AKAP6: variants seen among roughly 807,000 people sequenced by gnomAD.
The protein encoded by AKAP6 is A-kinase anchor protein 6.
Under a neutral mutation model 188.5 loss-of-function variants are expected in AKAP6, and 58 were observed. The observed-to-expected ratio is 0.31, with a 90% CI of 0.25 to 0.38. The LOEUF (loss-of-function observed/expected upper bound fraction) is 0.38. Ranked by LOEUF, AKAP6 falls within the 10% of genes least tolerant of loss-of-function variation. The probability of loss-of-function intolerance (pLI) is 1.00; values close to 1 mark genes in which losing one functional copy is unlikely to be tolerated. For synonymous variants in AKAP6, 989 were observed against 998.6 expected, an observed-to-expected ratio of 0.99 and a Z score of 0.18; for missense variants, 2,710 against 2,740.0, an observed-to-expected ratio of 0.99 and a Z score of 0.24.
At chr14:32,524,161 A>AC (rs923115345) in intron 2 of AKAP6, among the ~76,000 whole-genome samples, 5 of 152,098 alleles carry the variant, frequency 3.3e-5, no homozygotes, top group Admixed American at 2.0e-4. Flanking sequence ...CTGTTTCAAA[A>AC]AAAAAAATGG....
At position 32,577,096 on chromosome 14, in the gene AKAP6, TCCCC is replaced by T. The variant is rs1566584995; in HGVS notation, c.2347-23_2347-20del. 15 of 1,590,412 alleles carry T rather than the reference TCCCC, an allele frequency of 9.4e-6. No homozygotes were observed. In the Admixed American group the frequency reaches 1.5e-4, roughly 16 times the overall value. ...AACATGCCTTTCTTGCCCCTTTTTTTCCCCTTTTCTTTCCTTTCACAAGGGGTTT... is the reference window on the plus strand; with the variant it reads ...AACATGCCTTTCTTGCCCCTTTTTTTTTTTCTTTCCTTTCACAAGGGGTTT... On this transcript the variant is annotated intron_variant, in intron 4 of 13. Coordinates refer to ENST00000280979, the MANE Select transcript of AKAP6 (RefSeq NM_004274.5).
chr14:32,699,855 A>G (rs763672007), intron 9 of AKAP6, among the ~76,000 whole-genome samples: 13 of 152,220 alleles, frequency 8.5e-5, no homozygotes, highest in Non-Finnish European at 1.3e-4. Context: ...TAATTTGTCA[A>G]AAGTAACCAC....
intron 2 of AKAP6, among the ~76,000 whole-genome samples, chr14:32,531,441 C>A (rs1195713030): frequency 6.6e-6 from 1 of 152,144 alleles, no homozygotes; most frequent in Non-Finnish European, 1.5e-5. Context: ...AGTATGTGAT[C>A]CAAAATGAAT....
intron 2 of AKAP6, among the ~76,000 whole-genome samples, chr14:32,446,527 T>C (rs1413861627): frequency 6.6e-6 from 1 of 152,138 alleles, no homozygotes; most frequent in African/African-American, 2.4e-5. Flanking sequence ...TTATTTTTAC[T>C]ATCATAGATT....
At chr14:32,802,410 A>G (rs1437708856) in intron 12 of AKAP6, among the ~76,000 whole-genome samples, 1 of 152,236 alleles carries the variant, frequency 6.6e-6, no homozygotes, top group Non-Finnish European at 1.5e-5. Flanking sequence ...CAAAGTAATA[A>G]ATACAAAAGG....
intron 7 of AKAP6, among the ~76,000 whole-genome samples, chr14:32,665,913 G>T (rs1271978987): frequency 6.6e-6 from 1 of 152,140 alleles, no homozygotes; most frequent in Non-Finnish European, 1.5e-5. Context: ...ATGGGGATAG[G>T]TGGAGATGGA....
intron 2 of AKAP6, among the ~76,000 whole-genome samples, chr14:32,496,128 T>C (rs916587435): frequency 6.6e-6 from 1 of 152,232 alleles, no homozygotes; most frequent in African/African-American, 2.4e-5. Flanking sequence ...TTCAAACTTA[T>C]ACCTCATGTC....
chr14:32,376,845 C>A (rs775884773), intron 1 of AKAP6, among the ~76,000 whole-genome samples: 1 of 152,074 alleles, frequency 6.6e-6, no homozygotes, highest in Non-Finnish European at 1.5e-5. Flanking sequence ...TACAGGTGCC[C>A]ACCATCATGA....
intron 9 of AKAP6, among the ~76,000 whole-genome samples, 189 bp from the exon 10 acceptor site, chr14:32,732,257 CTGTGTGTG>C (rs3830858): frequency 6.7e-6 from 1 of 150,018 alleles, no homozygotes; most frequent in African/African-American, 2.4e-5. Flanking sequence ...AATGTAATAA[CTGTGTGTG>C]TGTGTGTGTG....
At position 32,592,200 on chromosome 14, in the gene AKAP6, T is replaced by C. The variant is rs549509210; in HGVS notation, c.2470-7210T>C. ...TTTCCCTGAACATTTGCTAGTTATGTGCTGTGTGCCAGGCACTGTCCTAGA... is the reference window on the plus strand; with the variant it reads ...TTTCCCTGAACATTTGCTAGTTATGCGCTGTGTGCCAGGCACTGTCCTAGA... On this transcript the variant is annotated intron_variant, in intron 5 of 13. Transcript: ENST00000280979. Among the ~76,000 whole-genome samples the C allele has an allele frequency of 2.6e-4, 39 of 152,316 alleles. No individual in the cohort carries two copies. The South Asian group carries it at 7.9e-3, about 31-fold the overall frequency.
At chr14:32,696,161 C>A (rs774525648) in intron 9 of AKAP6, 51 bp downstream of exon 9, 3 of 1,557,422 alleles carry the variant, frequency 1.9e-6, no homozygotes, top group Non-Finnish European at 2.6e-6. Flanking sequence ...TCTGATTAGC[C>A]TGACAAGTCT....
intron 2 of AKAP6, among the ~76,000 whole-genome samples, chr14:32,437,637 C>T (rs1890428755): frequency 6.6e-6 from 1 of 152,022 alleles, no homozygotes; most frequent in Non-Finnish European, 1.5e-5. Flanking sequence ...CACTCCGTCA[C>T]CCAGACTGGA....
chr14:32,576,866 A>AGAAAG (rs1884741827), intron 4 of AKAP6, among the ~76,000 whole-genome samples: 1 of 152,140 alleles, frequency 6.6e-6, no homozygotes, highest in African/African-American at 2.4e-5. Flanking sequence ...AATCCAATCC[A>AGAAAG]AATTCCTCAG....
rs113269055 is a variant in AKAP6 at position 32,589,402 on chromosome 14, G to A, written c.2470-10008G>A. 5.2e-3 allele frequency among the ~76,000 whole-genome samples: 787 copies of A among 152,302 alleles called. 3 individuals carry two copies. The highest frequency in any genetic ancestry group is 9.0e-3 in the Non-Finnish European group (609 of 68,030). ...TTGAGTTTCTTCCTTTGGTGGCACA[G>A]GGATGGAAGGGTCTTTCAGAAATTT... On this transcript the variant is annotated intron_variant, in intron 5 of 13. Coordinates refer to ENST00000280979, the MANE Select transcript of AKAP6 (RefSeq NM_004274.5).
chr14:32,403,700 T>C (rs144400060), intron 1 of AKAP6, among the ~76,000 whole-genome samples: 399 of 152,346 alleles, frequency 2.6e-3, no homozygotes, highest in South Asian at 6.4e-3. Context: ...AATCAATGCA[T>C]GAAAAACATT....
intron 11 of AKAP6, among the ~76,000 whole-genome samples, chr14:32,770,095 T>C (rs956034772): frequency 1.3e-5 from 2 of 152,176 alleles, no homozygotes; most frequent in Admixed American, 1.3e-4. Flanking sequence ...AGGAAGTCAG[T>C]AGAGGAATAA....
intron 1 of AKAP6, among the ~76,000 whole-genome samples, chr14:32,414,464 T>C (rs1257728907): frequency 1.3e-5 from 2 of 152,176 alleles, no homozygotes; most frequent in African/African-American, 4.8e-5. Context: ...GAACCGGTAT[T>C]ACATGACCCA....
intron 2 of AKAP6, among the ~76,000 whole-genome samples, chr14:32,521,276 C>A (rs1393312978): frequency 6.6e-6 from 1 of 152,072 alleles, no homozygotes; most frequent in Non-Finnish European, 1.5e-5. Context: ...AAAACGGGCA[C>A]CAGACAGGGA....
chr14:32,499,511 T>A (rs748328497), intron 2 of AKAP6, among the ~76,000 whole-genome samples: 2 of 151,964 alleles, frequency 1.3e-5, no homozygotes, highest in Non-Finnish European at 2.9e-5. Flanking sequence ...TTTAGTCTTA[T>A]GTAGACAGAT....
Sources: allele counts gnomAD v4.1 joint callset (sites outside exome capture counted in the v4.1 genomes callset), GRCh38; gene constraint gnomAD v4.1.1; transcripts MANE v1.5; gene names NCBI Gene and HGNC (gene_info 2026-07-23, HGNC 2026-07-21).